CADM2: variants seen among roughly 807,000 people sequenced by gnomAD.
CADM2 encodes cell adhesion molecule 2, also known as immunoglobulin superfamily member 4D.
CADM2 carries 12 observed loss-of-function variants against 49.8 expected under a neutral mutation model. The ratio of observed to expected loss-of-function variants is 0.24; its 90% CI spans 0.15 to 0.39. The LOEUF (loss-of-function observed/expected upper bound fraction) is 0.39, where lower values mean the gene tolerates loss of function less well. Among genes scored for constraint, CADM2 ranks in the 10% least tolerant of loss-of-function variants. The pLI is 1.00. For synonymous variants in CADM2, 214 were observed against 175.4 expected, an observed-to-expected ratio of 1.22 and a Z score of -1.74; for missense variants, 378 against 492.3, an observed-to-expected ratio of 0.77 and a Z score of 2.20.
intron 1 of CADM2, among the ~76,000 whole-genome samples, chr3:85,423,090 G>A (rs1032478672): frequency 1.3e-5 from 2 of 152,026 alleles, no homozygotes; most frequent in Admixed American, 6.6e-5. Flanking sequence ...GAGAGGGGAT[G>A]GAGTGGGAAA....
chr3:85,824,400 G>T (rs937309116), intron 3 of CADM2, among the ~76,000 whole-genome samples: 4 of 151,860 alleles, frequency 2.6e-5, no homozygotes, highest in Admixed American at 2.0e-4. Context: ...AATGGATAGA[G>T]ATTTTTTTTT....
At chr3:86,061,205 A>C (rs1044549156) in intron 8 of CADM2, among the ~76,000 whole-genome samples, 1 of 152,012 alleles carries the variant, frequency 6.6e-6, no homozygotes, top group Non-Finnish European at 1.5e-5. Context: ...ATAAAGCAAA[A>C]TGTATTTATA....
At chr3:85,395,902 T>C (rs531505476) in intron 1 of CADM2, among the ~76,000 whole-genome samples, 3 of 149,474 alleles carry the variant, frequency 2.0e-5, no homozygotes, top group African/African-American at 7.3e-5. Context: ...TAAATGTTAA[T>C]ATTAAGTTAT....
In CADM2 at chr3:85,272,303, C is replaced by G. The variant is rs143978387; in HGVS notation, c.61+312635C>G. Among the ~76,000 whole-genome samples, 319 of 151,308 alleles carry G rather than the reference C, an allele frequency of 2.1e-3. 4 individuals carry two copies. Among genetic ancestry groups the G allele is most frequent in the Admixed American group, 0.017 (262 of 15,086 alleles). On this transcript the variant is annotated intron_variant, in intron 1 of 9. Transcript: ENST00000383699. The stretch of plus-strand genomic sequence containing the variant: ...TATGTTATGAAAATGCAAGCCTACA[C>G]AAAATAATCTTGCTAGTTAAGAGCA...
intron 8 of CADM2, among the ~76,000 whole-genome samples, chr3:86,005,889 G>C (rs1261574030): frequency 6.6e-6 from 1 of 152,008 alleles, no homozygotes; most frequent in Non-Finnish European, 1.5e-5. Context: ...CCAGCCTCTG[G>C]TAGCCATCCT....
intron 3 of CADM2, among the ~76,000 whole-genome samples, chr3:85,849,952 A>G (rs978645485): frequency 2.6e-5 from 4 of 152,184 alleles, no homozygotes; most frequent in Non-Finnish European, 5.9e-5. Context: ...CACCGATATA[A>G]CTGAAGGTAT....
intron 2 of CADM2, among the ~76,000 whole-genome samples, chr3:85,787,551 G>A (rs545203717): frequency 8.5e-5 from 13 of 152,156 alleles, no homozygotes; most frequent in East Asian, 3.9e-4. Flanking sequence ...AGTTGGCTCC[G>A]TGAAACCTGC....
chr3:85,833,229 T>C (rs1003239013), intron 3 of CADM2, among the ~76,000 whole-genome samples: 1 of 151,872 alleles, frequency 6.6e-6, no homozygotes, highest in Non-Finnish European at 1.5e-5. Flanking sequence ...AGTATTTTGG[T>C]GAGGATTTTT....
chr3:85,461,878 A>G (rs1284728930), intron 1 of CADM2, among the ~76,000 whole-genome samples: 2 of 152,208 alleles, frequency 1.3e-5, no homozygotes, highest in Non-Finnish European at 2.9e-5. Flanking sequence ...TATAATAAAT[A>G]TACAGCAAAG....
chr3:85,827,184 C>A (rs1443457182), intron 3 of CADM2, among the ~76,000 whole-genome samples: 1 of 151,734 alleles, frequency 6.6e-6, no homozygotes, highest in Non-Finnish European at 1.5e-5. Context: ...TAAAATTGAA[C>A]ATTTAAGTAA....
Position 86,056,056 on chromosome 3 carries a change from T to G in CADM2, c.971-9549T>G, listed in dbSNP as rs12054255. On this transcript the variant is annotated intron_variant, in intron 8 of 9. Coordinates refer to ENST00000383699, the MANE Select transcript of CADM2 (RefSeq NM_001167675.2). Reference sequence around the variant, plus strand: ...ATCCATGGCAATCCAAAAACTTATTTTATTTTCCGTTTGATCACCTAGATA... The same window carrying G: ...ATCCATGGCAATCCAAAAACTTATTGTATTTTCCGTTTGATCACCTAGATA... Among the ~76,000 whole-genome samples, 851 of 152,328 alleles carry G rather than the reference T, an allele frequency of 5.6e-3. 9 individuals are homozygous for G. Among genetic ancestry groups the G allele is most frequent in the East Asian group, 0.05 (257 of 5,168 alleles).
chr3:85,960,803 G>C (rs1165068385), intron 7 of CADM2, among the ~76,000 whole-genome samples: 2 of 151,610 alleles, frequency 1.3e-5, no homozygotes, highest in Non-Finnish European at 2.9e-5. Context: ...AAAAGAATGA[G>C]AAAAGCAGCA....
At chr3:85,347,043 C>T (rs546930862) in intron 1 of CADM2, among the ~76,000 whole-genome samples, 13 of 151,456 alleles carry the variant, frequency 8.6e-5, no homozygotes, top group Non-Finnish European at 1.8e-4. Context: ...GCCAACATGG[C>T]GAAATCCCGT....
At chr3:85,524,111 G>C (rs2061099848) in intron 1 of CADM2, among the ~76,000 whole-genome samples, 1 of 152,114 alleles carries the variant, frequency 6.6e-6, no homozygotes. Context: ...TTGCCTTTGT[G>C]AGTTACCATC....
At chr3:85,384,670 AATGTG>A (rs1013351165) in intron 1 of CADM2, among the ~76,000 whole-genome samples, 15 of 144,258 alleles carry the variant, frequency 1.0e-4, no homozygotes, top group Admixed American at 4.1e-4. Context: ...TGTCAAAAAA[AATGTG>A]TGTGTGTGTG....
intron 8 of CADM2, among the ~76,000 whole-genome samples, chr3:85,991,176 A>C (rs1447278385): frequency 6.6e-6 from 1 of 152,142 alleles, no homozygotes; most frequent in South Asian, 2.1e-4. Flanking sequence ...TTATCCCCCC[A>C]CACATTTTAA....
At chr3:85,198,394 A>C (rs1397178530) in intron 1 of CADM2, among the ~76,000 whole-genome samples, 3 of 150,310 alleles carry the variant, frequency 2.0e-5, no homozygotes, top group Admixed American at 2.0e-4. Flanking sequence ...ATGGTCCTAT[A>C]TCTTTTTTTT....
At chr3:85,552,787 C>A (rs556758993) in intron 1 of CADM2, among the ~76,000 whole-genome samples, 1 of 152,126 alleles carries the variant, frequency 6.6e-6, no homozygotes, top group Non-Finnish European at 1.5e-5. Context: ...AGTGATTTTC[C>A]TTCCTCAGCC....
intron 1 of CADM2, among the ~76,000 whole-genome samples, chr3:85,613,479 C>T (rs193100691): frequency 5.7e-4 from 87 of 151,696 alleles, no homozygotes; most frequent in African/African-American, 2.0e-3. Context: ...TCCAGGTTTT[C>T]ATAAAGGACT....
Sources: allele counts gnomAD v4.1 joint callset (sites outside exome capture counted in the v4.1 genomes callset), GRCh38; gene constraint gnomAD v4.1.1; transcripts MANE v1.5; gene names NCBI Gene and HGNC (gene_info 2026-07-23, HGNC 2026-07-21).